Variants in WDPCP observed in about 807,000 individuals in gnomAD.
WDPCP encodes WD repeat-containing and planar cell polarity effector protein fritz homolog.
A neutral mutation model predicts 93.1 loss-of-function variants in WDPCP; 71 were observed. The ratio of observed to expected loss-of-function variants is 0.76; its 90% CI spans 0.63 to 0.93. The LOEUF (loss-of-function observed/expected upper bound fraction) is 0.93. Ranked by LOEUF, WDPCP falls within the 40% of genes least tolerant of loss-of-function variation. The pLI is 0.00. For missense variants in WDPCP, 844 were observed against 887.4 expected, an observed-to-expected ratio of 0.95 and a Z score of 0.62; for synonymous variants, 315 against 315.0, an observed-to-expected ratio of 1.00 and a Z score of 0.00.
chr2:63,411,002 A>C (rs1033443017), intron 9 of WDPCP, among the ~76,000 whole-genome samples: 1 of 152,246 alleles, frequency 6.6e-6, no homozygotes, highest in Non-Finnish European at 1.5e-5. Flanking sequence ...GAAAGTGAAC[A>C]AAGAAAAAAT....
rs1282900913 is a variant in WDPCP at position 63,575,449 on chromosome 2, T to G, written c.75+12748A>C. Among the ~76,000 whole-genome samples the G allele has an allele frequency of 2.1e-4, 13 of 61,150 alleles. 1 individual carries two copies. Among genetic ancestry groups the G allele is most frequent in the African/African-American group, 1.0e-3 (12 of 11,744 alleles). 40.1% of individuals were successfully genotyped at this position (61,150 alleles called of 152,430 possible). On this transcript the variant is annotated intron_variant, in intron 1 of 17. Transcript: ENST00000272321. ...TACAGTGTATATACAGTGTATACAC[T>G]GTATATACAGTATATATGCAGTATA...
intron 2 of WDPCP, among the ~76,000 whole-genome samples, chr2:63,797,034 C>T (rs1670626994): frequency 6.6e-6 from 1 of 152,154 alleles, no homozygotes; most frequent in South Asian, 2.1e-4. Context: ...GGGCACTAGG[C>T]AGAGTCCTGA....
chr2:63,738,393 T>TTTTTTTTTTTTTTTTTTTTTTTTTTTGA, intron 2 of WDPCP, among the ~76,000 whole-genome samples: 1 of 151,248 alleles, frequency 6.6e-6, no homozygotes, highest in Admixed American at 6.6e-5. Context: ...GGGCTACTAT[T>TTTTTTTTTTTTTTTTTTTTTTTTTTTGA]GACATTTGCT....
At chr2:63,476,991 G>A (rs560486230) in intron 6 of WDPCP, among the ~76,000 whole-genome samples, 3 of 152,218 alleles carry the variant, frequency 2.0e-5, no homozygotes, top group Non-Finnish European at 2.9e-5. Context: ...ATGCAGAATT[G>A]TTATGGATGG....
intron 2 of WDPCP, among the ~76,000 whole-genome samples, chr2:63,750,209 C>G (rs1482993908): frequency 6.6e-6 from 1 of 152,036 alleles, no homozygotes; most frequent in Non-Finnish European, 1.5e-5. Context: ...GAGAGATATA[C>G]TTAAAATCCC....
At chr2:63,515,669 TTA>T (rs1702504104) in intron 1 of WDPCP, among the ~76,000 whole-genome samples, 1 of 152,224 alleles carries the variant, frequency 6.6e-6, no homozygotes, top group African/African-American at 2.4e-5. Flanking sequence ...CTCTTCTCAG[TTA>T]TTTATAGAGC....
At chr2:63,275,935 A>G (rs1419845117) in intron 13 of WDPCP, among the ~76,000 whole-genome samples, 1 of 83,620 alleles carries the variant, frequency 1.2e-5, no homozygotes, top group East Asian at 5.1e-4. Flanking sequence ...ATACCAAGAA[A>G]GCTGAGAGAA....
At chr2:63,228,881 T>C (rs1190193516) in intron 14 of WDPCP, 2 of 152,168 alleles carry the variant, frequency 1.3e-5, no homozygotes, top group African/African-American at 4.8e-5. Context: ...TGAATAGTGC[T>C]GCAATAAACA....
chr2:63,536,928 G>A lies in WDPCP; in HGVS notation c.76-43988C>T, dbSNP rs6716171. 2.7e-4 allele frequency among the ~76,000 whole-genome samples: 41 copies of A among 152,066 alleles called. No individual in the cohort carries two copies. In the Middle Eastern group the frequency reaches 0.01, roughly 38 times the overall value. On this transcript the variant is annotated intron_variant, in intron 1 of 17. Transcript: ENST00000272321. ...TTACAGGCATGCACCCCCACACCCA[G>A]CCAATTTTTTTGTATTTTTAAGAGA...
chr2:63,495,842 C>T (rs1386916589), intron 1 of WDPCP, among the ~76,000 whole-genome samples: 2 of 152,082 alleles, frequency 1.3e-5, no homozygotes, highest in African/African-American at 4.8e-5. Flanking sequence ...GGTAATCTCA[C>T]AGTATGAAAT....
chr2:63,290,097 T>G (rs1319685016), intron 13 of WDPCP, among the ~76,000 whole-genome samples: 1 of 152,008 alleles, frequency 6.6e-6, no homozygotes, highest in Non-Finnish European at 1.5e-5. Flanking sequence ...GGTCGTTATT[T>G]ATTAATATAT....
At chr2:63,365,134 T>C (rs1313684102) in intron 12 of WDPCP, among the ~76,000 whole-genome samples, 1 of 152,186 alleles carries the variant, frequency 6.6e-6, no homozygotes, top group East Asian at 1.9e-4. Context: ...TGGACTTAAA[T>C]AGTGTTGTTG....
At chr2:63,188,560 C>T (rs1443921604) in intron 14 of WDPCP, among the ~76,000 whole-genome samples, 2 of 151,958 alleles carry the variant, frequency 1.3e-5, no homozygotes, top group African/African-American at 4.8e-5. Context: ...TCTTGAACTC[C>T]TGAGCTCAAG....
chr2:63,709,987 G>T (rs1669235870), intron 2 of WDPCP, among the ~76,000 whole-genome samples: 1 of 152,184 alleles, frequency 6.6e-6, no homozygotes, highest in Non-Finnish European at 1.5e-5. Flanking sequence ...ACTAACACTA[G>T]AAGATTTCTT....
At chr2:63,299,044 C>T (rs74384251) in intron 13 of WDPCP, among the ~76,000 whole-genome samples, 12,757 of 151,642 alleles carry the variant, frequency 0.084, 776 homozygotes, top group Non-Finnish European at 0.13. Context: ...GGTGTAGATG[C>T]AATGTGGGCA....
chr2:63,528,294 G>C (rs1703516827), intron 1 of WDPCP, among the ~76,000 whole-genome samples: 2 of 152,176 alleles, frequency 1.3e-5, no homozygotes, highest in African/African-American at 4.8e-5. Context: ...CCTTGCCCAT[G>C]CCTATGTCCT....
At chr2:63,716,208 C>T (rs946811946) in intron 2 of WDPCP, among the ~76,000 whole-genome samples, 10 of 152,184 alleles carry the variant, frequency 6.6e-5, no homozygotes, top group African/African-American at 2.4e-4. Context: ...CAGATCAGGA[C>T]AGAAAGGACA....
chr2:63,351,610 T>C (rs998749873), intron 12 of WDPCP, among the ~76,000 whole-genome samples: 4 of 152,222 alleles, frequency 2.6e-5, no homozygotes, highest in African/African-American at 9.6e-5. Context: ...GATTTCTTTA[T>C]TTACAGATGC....
At chr2:63,536,773 CTT>C (rs58661370) in intron 1 of WDPCP, among the ~76,000 whole-genome samples, 10 of 93,608 alleles carry the variant, frequency 1.1e-4, no homozygotes, top group African/African-American at 1.8e-4. Flanking sequence ...ATTCTTCATG[CTT>C]TTTTTTTTTT....
Sources: gnomAD v4.1 joint callset for allele counts (sites outside exome capture counted in the v4.1 genomes callset) on GRCh38, gnomAD v4.1.1 for gene constraint, MANE v1.5 for transcripts, NCBI Gene and HGNC (gene_info 2026-07-23, HGNC 2026-07-21) for gene names.